The following NIM1K variants were observed in gnomAD, a reference collection of about 807,000 sequenced individuals.
NIM1K encodes the protein NIM1 serine/threonine protein kinase.
NIM1K carries 35 observed loss-of-function variants against 37.1 expected under a neutral mutation model. The ratio of observed to expected loss-of-function variants is 0.94; its 90% CI spans 0.72 to 1.25. NIM1K has a LOEUF of 1.25. Among genes scored for constraint, NIM1K ranks in the 50% most tolerant of loss-of-function variants. The probability of loss-of-function intolerance (pLI) is 0.00; values close to 1 mark genes in which losing one functional copy is unlikely to be tolerated. For missense variants in NIM1K, 564 were observed against 548.0 expected, an observed-to-expected ratio of 1.03 and a Z score of -0.29; for synonymous variants, 234 against 206.6, an observed-to-expected ratio of 1.13 and a Z score of -1.14.
chr5:43,280,450 G>T lies in NIM1K; in HGVS notation c.1032G>T (p.Leu344Phe). Reference sequence around the variant, plus strand: ...CTTTCCAACTGGATCCCAAACATTTGTCGGAAACCAGCACTCTCAAGGAAG... The same window carrying T: ...CTTTCCAACTGGATCCCAAACATTTTTCGGAAACCAGCACTCTCAAGGAAG... ...LEPFQLDPKH[L>F]SETSTLKEEE... Residue 344 changes from leucine to phenylalanine, a missense_variant, in exon 4 of 4, where the codon TTG becomes TTT. Physicochemically the swap from Leu to Phe is conservative, Grantham distance 22 (BLOSUM62 0). Coordinates refer to ENST00000326035, the MANE Select transcript of NIM1K (RefSeq NM_153361.4). 1 of 1,614,134 alleles carries T rather than the reference G, an allele frequency of 6.2e-7. No homozygotes were observed. Among genetic ancestry groups the T allele is most frequent in the South Asian group, 1.1e-5 (1 of 91,076 alleles).
chr5:43,246,508 A>G (rs1423826402), intron 2 of NIM1K, among the ~76,000 whole-genome samples: 2 of 151,662 alleles, frequency 1.3e-5, no homozygotes, highest in Non-Finnish European at 2.9e-5. Flanking sequence ...TTCCATTTAC[A>G]TTTGTGTCTC....
At chr5:43,255,979 G>A (rs1752938800) in intron 2 of NIM1K, among the ~76,000 whole-genome samples, 1 of 151,880 alleles carries the variant, frequency 6.6e-6, no homozygotes, top group Non-Finnish European at 1.5e-5. Flanking sequence ...AACAGCTGAG[G>A]GGAAAGGGCA....
chr5:43,278,712 A>C (rs1304835867), intron 3 of NIM1K, among the ~76,000 whole-genome samples: 1 of 152,184 alleles, frequency 6.6e-6, no homozygotes, highest in Non-Finnish European at 1.5e-5. Flanking sequence ...GGCACTGAAA[A>C]AGTCAGATAA....
intron 2 of NIM1K, among the ~76,000 whole-genome samples, chr5:43,266,682 C>G (rs927145633): frequency 3.3e-5 from 5 of 152,350 alleles, no homozygotes; most frequent in African/African-American, 4.8e-5. Context: ...CAGAAATCAC[C>G]TGTCTTCTGC....
At chr5:43,206,907 T>C (rs2112211077) in intron 1 of NIM1K, 1 of 769,054 alleles carries the variant, frequency 1.3e-6, no homozygotes, top group Non-Finnish European at 2.4e-6. Context: ...CCCACATGGA[T>C]TGTGTTGCTG....
At chr5:43,257,760 C>CTT (rs111989907) in intron 2 of NIM1K, among the ~76,000 whole-genome samples, 3 of 141,386 alleles carry the variant, frequency 2.1e-5, no homozygotes, top group Admixed American at 7.1e-5. Context: ...TTTTTTATAA[C>CTT]TTTTTTTTTT....
At chr5:43,269,618 T>C (rs928801277) in intron 2 of NIM1K, among the ~76,000 whole-genome samples, 7 of 152,002 alleles carry the variant, frequency 4.6e-5, no homozygotes, top group Non-Finnish European at 8.8e-5. Flanking sequence ...TGTTTTTATT[T>C]TTTTATTTTA....
chr5:43,270,021 T>C (rs1753231393), intron 2 of NIM1K, among the ~76,000 whole-genome samples: 1 of 152,260 alleles, frequency 6.6e-6, no homozygotes, highest in African/African-American at 2.4e-5. Context: ...GAAGTCCTTT[T>C]AGAATTTTGT....
At chr5:43,247,240 C>G (rs1013809205) in intron 2 of NIM1K, among the ~76,000 whole-genome samples, 3 of 152,194 alleles carry the variant, frequency 2.0e-5, no homozygotes, top group African/African-American at 7.2e-5. Context: ...GGGTTCATGT[C>G]TTCACATCTT....
intron 2 of NIM1K, among the ~76,000 whole-genome samples, chr5:43,268,937 G>A (rs1455602683): frequency 6.6e-6 from 1 of 151,530 alleles, no homozygotes; most frequent in Non-Finnish European, 1.5e-5. Flanking sequence ...TGCAAAGGTG[G>A]TTTTATAATG....
In NIM1K at chr5:43,245,877, C is replaced by G; in HGVS notation, c.102C>G (p.Ser34Arg). The G allele has an allele frequency of 6.2e-7, 1 of 1,614,024 alleles. No individual in the cohort carries two copies. Among genetic ancestry groups the G allele is most frequent in the Non-Finnish European group, 8.5e-7 (1 of 1,179,992 alleles). Residue 34 changes from serine (S) to arginine (R), a missense_variant, in exon 2 of 4, where the codon AGC becomes AGG. Ser to Arg is a moderately radical substitution (Grantham distance 110). Coordinates refer to ENST00000326035, the MANE Select transcript of NIM1K (RefSeq NM_153361.4). Reference protein sequence around the residue: ...SVESGCQTESSKEGEEGQPRQ... With the variant: ...SVESGCQTESRKEGEEGQPRQ... Reference sequence around the variant, plus strand: ...AAAGTGGCTGTCAGACCGAGAGTAGCAAGGAGGGTGAGGAGGGACAGCCCC... The same window carrying G: ...AAAGTGGCTGTCAGACCGAGAGTAGGAAGGAGGGTGAGGAGGGACAGCCCC...
At chr5:43,249,694 C>T (rs146069760) in intron 2 of NIM1K, among the ~76,000 whole-genome samples, 8 of 152,224 alleles carry the variant, frequency 5.3e-5, no homozygotes, top group African/African-American at 1.9e-4. Context: ...ATGCTCCAGT[C>T]ATGGACAAGG....
chr5:43,257,207 G>A (rs988701746), intron 2 of NIM1K, among the ~76,000 whole-genome samples: 1 of 151,928 alleles, frequency 6.6e-6, no homozygotes, highest in Non-Finnish European at 1.5e-5. Context: ...AAGTGAAAAA[G>A]GTATTTTTAA....
intron 1 of NIM1K, among the ~76,000 whole-genome samples, chr5:43,199,204 A>AAAAAAAAAAAAAT (rs1200134957): frequency 5.3e-5 from 5 of 94,070 alleles, no homozygotes; most frequent in Non-Finnish European, 1.0e-4. Context: ...AAAAAAAAAA[A>AAAAAAAAAAAAAT]ATATATATAT....
chr5:43,272,451 C>A (rs1330538588), intron 2 of NIM1K, among the ~76,000 whole-genome samples: 2 of 152,184 alleles, frequency 1.3e-5, no homozygotes, highest in African/African-American at 4.8e-5. Flanking sequence ...ATTCTGCTCT[C>A]AGCCCAGGAC....
chr5:43,245,822 A>G lies in NIM1K; in HGVS notation c.47A>G (p.Tyr16Cys), dbSNP rs1561085583. ...GGAGGTGGCCTGGTGAACCCCCACT[A>G]TGCCCGGTGGGATCGGCGCGACAGT... Reference protein sequence around the residue: ...MNGGGLVNPHYARWDRRDSVE... With the variant: ...MNGGGLVNPHCARWDRRDSVE... Residue 16 changes from tyrosine to cysteine, a missense_variant, in exon 2 of 4, where the codon TAT becomes TGT. Physicochemically the swap from Tyr to Cys is radical, Grantham distance 194. Transcript: ENST00000326035. The G allele has an allele frequency of 1.9e-6, 3 of 1,613,130 alleles. No homozygotes were observed. The South Asian group carries it at 3.3e-5, about 18-fold the overall frequency.
intron 1 of NIM1K, among the ~76,000 whole-genome samples, chr5:43,224,197 C>A (rs1383896697): frequency 1.3e-5 from 2 of 152,034 alleles, no homozygotes; most frequent in Admixed American, 1.3e-4. Flanking sequence ...AGCCACCGCA[C>A]CCGGCCTATT....
At chr5:43,213,164 TTTTTC>T (rs1462873864) in intron 1 of NIM1K, among the ~76,000 whole-genome samples, 3 of 9,484 alleles carry the variant, frequency 3.2e-4, no homozygotes, top group African/African-American at 9.4e-4. Flanking sequence ...TTTCTTTCTT[TTTTTC>T]TTTCTTTCTT....
At chr5:43,255,036 C>T (rs562165747) in intron 2 of NIM1K, among the ~76,000 whole-genome samples, 27 of 152,210 alleles carry the variant, frequency 1.8e-4, no homozygotes, top group Non-Finnish European at 2.4e-4. Context: ...TGTTCATTGT[C>T]GTGTTATTTA....
Sources: gnomAD v4.1 joint callset for allele counts (sites outside exome capture counted in the v4.1 genomes callset) on GRCh38, gnomAD v4.1.1 for gene constraint, MANE v1.5 for transcripts, NCBI Gene and HGNC (gene_info 2026-07-23, HGNC 2026-07-21) for gene names.